Variants in FOCAD observed in about 807,000 individuals in gnomAD.
FOCAD encodes KIAA1797.
In FOCAD, 198 loss-of-function variants were observed where a neutral mutation model predicts 225.6. The observed-to-expected ratio is 0.88, with a 90% CI of 0.78 to 0.99. The LOEUF (loss-of-function observed/expected upper bound fraction) is 0.99. FOCAD is among the 50% of genes least tolerant of loss of function. The probability of loss-of-function intolerance (pLI) is 0.00; values close to 1 mark genes in which losing one functional copy is unlikely to be tolerated. For missense variants in FOCAD, 2,713 were observed against 2,123.6 expected, an observed-to-expected ratio of 1.28 and a Z score of -5.46; for synonymous variants, 897 against 755.0, an observed-to-expected ratio of 1.19 and a Z score of -3.08.
chr9:20,860,146 A>G (rs941200923), intron 15 of FOCAD, among the ~76,000 whole-genome samples: 2 of 152,174 alleles, frequency 1.3e-5, no homozygotes, highest in African/African-American at 4.8e-5. Flanking sequence ...TAATATTAAC[A>G]TCTTGCTTAT....
At chr9:20,953,816 C>T (rs1029359578) in intron 35 of FOCAD, among the ~76,000 whole-genome samples, 1 of 152,188 alleles carries the variant, frequency 6.6e-6, no homozygotes, top group East Asian at 1.9e-4. Flanking sequence ...GGTCAGTCTT[C>T]CTTGGTTAGG....
intron 24 of FOCAD, among the ~76,000 whole-genome samples, chr9:20,920,634 TA>T (rs1834325480): frequency 6.7e-6 from 1 of 149,286 alleles, no homozygotes; most frequent in South Asian, 2.2e-4. Context: ...TATGCAGCCA[TA>T]AAAAAGGATG....
chr9:20,942,095 T>C (rs1319206959), intron 28 of FOCAD, among the ~76,000 whole-genome samples: 1 of 152,228 alleles, frequency 6.6e-6, no homozygotes, highest in East Asian at 1.9e-4. Context: ...GGGCAATAGA[T>C]GTATATGCCA....
chr9:20,826,775 C>G (rs546329097), intron 15 of FOCAD, among the ~76,000 whole-genome samples: 1 of 152,082 alleles, frequency 6.6e-6, no homozygotes, highest in Non-Finnish European at 1.5e-5. Flanking sequence ...GTCTCATGCT[C>G]TTTGGTTACT....
chr9:20,862,876 A>G (rs1293453624), intron 16 of FOCAD, 164 bp downstream of exon 16: 2 of 537,542 alleles, frequency 3.7e-6, no homozygotes, highest in Non-Finnish European at 5.9e-6. Flanking sequence ...CTCCTCATCA[A>G]TCTTATGTCT....
intron 28 of FOCAD, among the ~76,000 whole-genome samples, chr9:20,943,331 T>C (rs1364419423): frequency 1.3e-5 from 2 of 152,194 alleles, no homozygotes; most frequent in East Asian, 1.9e-4. Flanking sequence ...CTGATCGTTA[T>C]GCAACAGAAA....
At chr9:20,674,518 C>T (rs1034994726) in intron 2 of FOCAD, among the ~76,000 whole-genome samples, 4 of 152,142 alleles carry the variant, frequency 2.6e-5, no homozygotes, top group African/African-American at 4.8e-5. Context: ...TAATTCTTGA[C>T]AGAGAATGTA....
intron 20 of FOCAD, among the ~76,000 whole-genome samples, chr9:20,884,305 C>T (rs1042475521): frequency 2.0e-5 from 3 of 151,850 alleles, no homozygotes; most frequent in Non-Finnish European, 2.9e-5. Flanking sequence ...TATTATATTA[C>T]GTTTATATTT....
At chr9:20,766,232 G>A (rs1172993948) in intron 7 of FOCAD, among the ~76,000 whole-genome samples, 4 of 152,236 alleles carry the variant, frequency 2.6e-5, no homozygotes, top group East Asian at 3.9e-4. Context: ...GGAATCTGTG[G>A]CTTTTTAACC....
At chr9:20,735,140 G>A (rs1316914764) in intron 4 of FOCAD, among the ~76,000 whole-genome samples, 1 of 151,988 alleles carries the variant, frequency 6.6e-6, no homozygotes, top group African/African-American at 2.4e-5. Context: ...TCTATTCTCT[G>A]CTCAGTTTGC....
intron 24 of FOCAD, among the ~76,000 whole-genome samples, chr9:20,918,980 G>C (rs756359801): frequency 1.3e-5 from 2 of 152,040 alleles, no homozygotes; most frequent in Admixed American, 1.3e-4. Context: ...CCACAGGCTG[G>C]TTTGGGTCAG....
intron 1 of FOCAD, among the ~76,000 whole-genome samples, chr9:20,697,680 A>T (rs1823488201): frequency 6.6e-6 from 1 of 152,248 alleles, no homozygotes; most frequent in Non-Finnish European, 1.5e-5. Flanking sequence ...TTACCTATTG[A>T]TGACTAAAAT....
chr9:20,971,274 G>A (rs992331688), intron 35 of FOCAD, among the ~76,000 whole-genome samples: 1 of 152,004 alleles, frequency 6.6e-6, no homozygotes, highest in Non-Finnish European at 1.5e-5. Context: ...CACCTACTCT[G>A]TAACCACAAA....
chr9:20,943,935 T>A (rs192587789), intron 28 of FOCAD, among the ~76,000 whole-genome samples: 4 of 152,216 alleles, frequency 2.6e-5, no homozygotes, highest in Admixed American at 6.5e-5. Context: ...TTCAGGAGAA[T>A]TGGGGGCACA....
intron 1 of FOCAD, among the ~76,000 whole-genome samples, chr9:20,708,629 G>C (rs991211919): frequency 2.0e-5 from 3 of 152,046 alleles, no homozygotes; most frequent in African/African-American, 7.2e-5. Context: ...AAAAACTTTA[G>C]CCAGGCACGG....
At chr9:20,699,277 G>A (rs1182010996) in intron 1 of FOCAD, among the ~76,000 whole-genome samples, 1 of 152,148 alleles carries the variant, frequency 6.6e-6, no homozygotes, top group Non-Finnish European at 1.5e-5. Context: ...CTTTGAGGGT[G>A]AAATGAAACT....
chr9:20,669,432 C>A (rs898411214), intron 2 of FOCAD, among the ~76,000 whole-genome samples: 1 of 152,126 alleles, frequency 6.6e-6, no homozygotes, highest in African/African-American at 2.4e-5. Context: ...GAAACTTATC[C>A]TCGTCAAGAT....
upstream of FOCAD, among the ~76,000 whole-genome samples, chr9:20,658,116 G>T (rs1237472481): frequency 6.6e-6 from 1 of 150,850 alleles, no homozygotes; most frequent in African/African-American, 2.4e-5. Context: ...GGACCCACTT[G>T]AGGAGGCAGT....
chr9:20,698,824 T>G (rs193240698), intron 1 of FOCAD, among the ~76,000 whole-genome samples: 2 of 152,320 alleles, frequency 1.3e-5, no homozygotes, highest in East Asian at 3.9e-4. Context: ...TTAGTTTATC[T>G]TTTAGATTTG....
Sources: allele counts gnomAD v4.1 joint callset (sites outside exome capture counted in the v4.1 genomes callset), GRCh38; gene constraint gnomAD v4.1.1; transcripts MANE v1.5; gene names NCBI Gene and HGNC (gene_info 2026-07-23, HGNC 2026-07-21).